Variants in LRRC36 observed in about 807,000 individuals in gnomAD.
The protein encoded by LRRC36 is leucine-rich repeat-containing protein 36.
LRRC36 carries 62 observed loss-of-function variants against 81.1 expected under a neutral mutation model. The observed-to-expected ratio is 0.76, with a 90% CI of 0.62 to 0.94. The LOEUF is 0.94. LRRC36 is among the 40% of genes least tolerant of loss of function. The probability of loss-of-function intolerance (pLI) is 0.00; values close to 1 mark genes in which losing one functional copy is unlikely to be tolerated. For missense variants in LRRC36, 761 were observed against 881.7 expected (o/e 0.86, Z 1.73); for synonymous variants, 334 against 348.6 (o/e 0.96, Z 0.47).
chr16:67,365,441 C>T (rs2039341731), intron 7 of LRRC36, 86 bp downstream of exon 7: 4 of 1,160,714 alleles, frequency 3.4e-6, no homozygotes, highest in Admixed American at 2.0e-5. Context: ...GAAGATGTCT[C>T]AATATGGGGG....
intron 8 of LRRC36, among the ~76,000 whole-genome samples, chr16:67,370,389 C>A (rs1402445043): frequency 6.6e-6 from 1 of 152,106 alleles, no homozygotes. Context: ...CACCTGTAAT[C>A]CCAGCACTTT....
At chr16:67,328,203 G>C (rs919789897) in intron 1 of LRRC36, among the ~76,000 whole-genome samples, 5 of 152,090 alleles carry the variant, frequency 3.3e-5, no homozygotes, top group Admixed American at 3.3e-4. Flanking sequence ...AATTTATTCT[G>C]TGGGTAATAT....
At chr16:67,373,532 C>T (rs1244515726) in intron 9 of LRRC36, among the ~76,000 whole-genome samples, 1 of 150,882 alleles carries the variant, frequency 6.6e-6, no homozygotes, top group Non-Finnish European at 1.5e-5. Flanking sequence ...CACGGTGAAA[C>T]CCCATCTCTA....
In LRRC36 at chr16:67,367,426, C is replaced by T. The variant is rs1328424103; in HGVS notation, c.1164C>T (p.Ser388=). ...TAACTTCTCTGTCAAACCCTGACTCCAGCACTGGAAGGCTTTTGAAGCTTA... is the reference window on the plus strand; with the variant it reads ...TAACTTCTCTGTCAAACCCTGACTCTAGCACTGGAAGGCTTTTGAAGCTTA... ...DLLTSLSNPD[S]STGRLLKLSS... Residue 388 remains serine (S), a synonymous_variant, in exon 8 of 14, where the codon TCC becomes TCT. Coordinates refer to ENST00000329956, the MANE Select transcript of LRRC36 (RefSeq NM_018296.6). 2 of 1,613,538 alleles carry T rather than the reference C, an allele frequency of 1.2e-6. No homozygotes were observed. The highest frequency in any genetic ancestry group is 3.3e-5 in the Admixed American group (2 of 59,906).
At chr16:67,383,858 T>C in intron 13 of LRRC36, among the ~76,000 whole-genome samples, 1 of 152,270 alleles carries the variant, frequency 6.6e-6, no homozygotes, top group East Asian at 1.9e-4. Flanking sequence ...CTATTGTAGG[T>C]GTGGGTGTAT....
chr16:67,347,619 A>G lies in LRRC36; in HGVS notation c.488+28A>G, dbSNP rs1461036633. The G allele has an allele frequency of 2.6e-6, 4 of 1,562,096 alleles. No individual in the cohort carries two copies. In the South Asian group the frequency reaches 3.4e-5, roughly 13 times the overall value. On this transcript the variant is annotated intron_variant, in intron 4 of 13. Coordinates refer to ENST00000329956, the MANE Select transcript of LRRC36 (RefSeq NM_018296.6). ...AAGAAGATTCTTTACAAAATTTTTA[A>G]AGTTTGGTTCTGGACATAGGAAATA... is the stretch of plus-strand genomic sequence containing the variant.
At chr16:67,332,747 T>C (rs2142569262) in intron 1 of LRRC36, among the ~76,000 whole-genome samples, 1 of 152,276 alleles carries the variant, frequency 6.6e-6, no homozygotes, top group South Asian at 2.1e-4. Context: ...AGAAATGCTG[T>C]GGGTCATTGA....
intron 1 of LRRC36, 97 bp from the exon 2 acceptor site, chr16:67,341,860 A>G: frequency 1.1e-6 from 1 of 923,250 alleles, no homozygotes; most frequent in Non-Finnish European, 1.6e-6. Flanking sequence ...AGGGCCTTGC[A>G]CAGTTGAGAT....
intron 1 of LRRC36, among the ~76,000 whole-genome samples, chr16:67,331,113 GA>G (rs1567462474): frequency 7.3e-6 from 1 of 136,146 alleles, no homozygotes; most frequent in African/African-American, 2.7e-5. Context: ...GAGAGAGAGA[GA>G]AGACTGAACT....
intron 9 of LRRC36, chr16:67,371,625 A>G: frequency 3.5e-6 from 1 of 284,502 alleles, no homozygotes; most frequent in Non-Finnish European, 7.0e-6. Context: ...TAATCCCAGC[A>G]CTTTGGGAGG....
chr16:67,362,057 C>G, intron 5 of LRRC36: 1 of 335,342 alleles, frequency 3.0e-6, no homozygotes, highest in Non-Finnish European at 5.9e-6. Flanking sequence ...ATACGGATAC[C>G]CTATTTCTAT....
chr16:67,369,301 G>A (rs891590828), intron 8 of LRRC36, among the ~76,000 whole-genome samples: 2 of 152,114 alleles, frequency 1.3e-5, no homozygotes, highest in Admixed American at 1.3e-4. Flanking sequence ...TAAGATAGAG[G>A]GGAAAAAGCC....
At position 67,341,987 on chromosome 16, in the gene LRRC36, C is replaced by T. The variant is rs758695090; in HGVS notation, c.101C>T (p.Ser34Phe). 1 of 1,611,092 alleles carries T rather than the reference C, an allele frequency of 6.2e-7. No individual in the cohort carries two copies. The highest frequency in any genetic ancestry group is 8.5e-7 in the Non-Finnish European group (1 of 1,178,034). Residue 34 changes from serine (S) to phenylalanine (F), a missense_variant, in exon 2 of 14, where the codon TCT becomes TTT. Coordinates refer to ENST00000329956, the MANE Select transcript of LRRC36 (RefSeq NM_018296.6). Reference protein sequence around the residue: ...ELVESLSLQGSYAGKIHSIGD... With the variant: ...ELVESLSLQGFYAGKIHSIGD... ...GTGGAGTCTCTTTCATTGCAGGGAT[C>T]TTATGCTGGCAAAATCCATTCCATT...
intron 4 of LRRC36, among the ~76,000 whole-genome samples, chr16:67,348,136 T>A (rs1475024378): frequency 6.6e-6 from 1 of 152,214 alleles, no homozygotes; most frequent in African/African-American, 2.4e-5. Flanking sequence ...CTATGCTTTT[T>A]AAAAAGTAGT....
chr16:67,363,546 C>G, intron 5 of LRRC36, 44 bp from the exon 6 acceptor site: 1 of 1,605,716 alleles, frequency 6.2e-7, no homozygotes, highest in Non-Finnish European at 8.5e-7. Flanking sequence ...CCTTTGAAGT[C>G]TGGTCAGTGA....
intron 12 of LRRC36, among the ~76,000 whole-genome samples, chr16:67,381,621 AT>A (rs34896142): frequency 2.8e-4 from 41 of 148,900 alleles, no homozygotes; most frequent in Admixed American, 4.0e-4. Flanking sequence ...CATGTGCAAT[AT>A]TTTTTTTTTT....
chr16:67,347,467 A>G, intron 3 of LRRC36, 28 bp from the exon 4 acceptor site: 1 of 1,611,678 alleles, frequency 6.2e-7, no homozygotes, highest in South Asian at 1.1e-5. Flanking sequence ...AAAAAGAAAC[A>G]TGCTCAGACC....
chr16:67,355,446 C>T (rs1198550469), intron 5 of LRRC36, among the ~76,000 whole-genome samples: 1 of 133,392 alleles, frequency 7.5e-6, no homozygotes, highest in Non-Finnish European at 1.5e-5. Context: ...GGGATCTCGG[C>T]TCACTGCAAG....
At chr16:67,335,239 C>A (rs896917728) in intron 1 of LRRC36, among the ~76,000 whole-genome samples, 1 of 152,112 alleles carries the variant, frequency 6.6e-6, no homozygotes, top group Non-Finnish European at 1.5e-5. Context: ...AGACATCTGC[C>A]CCCAAAGCAG....
Sources: allele counts gnomAD v4.1 joint callset (sites outside exome capture counted in the v4.1 genomes callset), GRCh38; gene constraint gnomAD v4.1.1; transcripts MANE v1.5; gene names NCBI Gene and HGNC (gene_info 2026-07-23, HGNC 2026-07-21).